Variants in PCDHA5 observed in about 807,000 individuals in gnomAD.
PCDHA5 encodes the protein protocadherin alpha-5.
A neutral mutation model predicts 61.6 loss-of-function variants in PCDHA5; 43 were observed. The ratio of observed to expected loss-of-function variants is 0.70; its 90% CI spans 0.55 to 0.90. The LOEUF is 0.90. Among genes scored for constraint, PCDHA5 ranks in the 40% least tolerant of loss-of-function variants. The pLI is 0.00. For missense variants in PCDHA5, 1,298 were observed against 1,222.7 expected, an observed-to-expected ratio of 1.06 and a Z score of -0.92; for synonymous variants, 627 against 543.9, an observed-to-expected ratio of 1.15 and a Z score of -2.13.
chr5:140,869,502 C>T lies in PCDHA5; in HGVS notation c.2352+45375C>T, dbSNP rs2051182557. 3 of 1,614,090 alleles carry T rather than the reference C, an allele frequency of 1.9e-6. No homozygotes were observed. In the African/African-American group the frequency reaches 4.0e-5, roughly 22 times the overall value. On this transcript the variant is annotated intron_variant, in intron 1 of 3. Transcript: ENST00000529859. Reference sequence around the variant, plus strand: ...ACATTAACGACAACCCGCCGGTGTTCTCGCTCAGAGAACAAAAGCTGCTGA... The same window carrying T: ...ACATTAACGACAACCCGCCGGTGTTTTCGCTCAGAGAACAAAAGCTGCTGA...
At chr5:140,882,989 G>C (rs567590369) in intron 1 of PCDHA5, 2 of 1,614,130 alleles carry the variant, frequency 1.2e-6, no homozygotes, top group Non-Finnish European at 8.5e-7. Context: ...CAACGCCCCG[G>C]AATTTTACCA....
At chr5:140,921,131 C>T (rs532456439) in intron 1 of PCDHA5, among the ~76,000 whole-genome samples, 9 of 132,934 alleles carry the variant, frequency 6.8e-5, no homozygotes, top group Non-Finnish European at 1.1e-4. Context: ...CAGGTGCACA[C>T]CACTACACCC....
Position 140,884,599 on chromosome 5 carries a change from T to C in PCDHA5, c.2352+60472T>C, listed in dbSNP as rs1490825306. 3 of 1,614,042 alleles carry C rather than the reference T, an allele frequency of 1.9e-6. No homozygotes were observed. In the East Asian group the frequency reaches 6.7e-5, roughly 36 times the overall value. ...TCATGGCCTTCAGTCCCAGCCTTCC[T>C]CCTTGTCTGGGTTCTGCAGAGGGAA... On this transcript the variant is annotated intron_variant, in intron 1 of 3. Transcript: ENST00000529859.
intron 1 of PCDHA5, chr5:140,853,408 AG>A: frequency 1.0e-6 from 1 of 986,092 alleles, no homozygotes; most frequent in Middle Eastern, 5.3e-4. Flanking sequence ...CAAAACAGAG[AG>A]GTGAAAGCAG....
intron 1 of PCDHA5, chr5:140,928,095 G>A (rs782045221): frequency 6.2e-7 from 1 of 1,614,190 alleles, no homozygotes; most frequent in African/African-American, 1.3e-5. Flanking sequence ...TGATTGATGG[G>A]CCCCTGGACC....
chr5:141,000,651 C>G (rs1325110453), intron 3 of PCDHA5, among the ~76,000 whole-genome samples: 2 of 151,708 alleles, frequency 1.3e-5, no homozygotes, highest in African/African-American at 4.8e-5. Flanking sequence ...TGGTCTCGAA[C>G]TCCTGACCTC....
Position 140,823,438 on chromosome 5 carries a change from C to T in PCDHA5, c.1663C>T (p.Leu555=). 2 of 1,613,332 alleles carry T rather than the reference C, an allele frequency of 1.2e-6. No homozygotes were observed. The highest frequency in any genetic ancestry group is 1.1e-5 in the South Asian group (1 of 91,048). The change falls in exon 1 of 4, where the codon CTG becomes TTG. Residue 555 remains leucine (L), a synonymous_variant. Coordinates refer to ENST00000529859, the MANE Select transcript of PCDHA5 (RefSeq NM_018908.3). The stretch of plus-strand genomic sequence containing the variant: ...CAACGTGACGCTGCAGGTGTTCGTG[C>T]TGGACGAGAACGACAACGCGCCGGC... ...GSNVTLQVFV[L]DENDNAPALL...
At chr5:141,004,823 TTAGA>T (rs1175791432) in intron 3 of PCDHA5, among the ~76,000 whole-genome samples, 26 of 152,314 alleles carry the variant, frequency 1.7e-4, no homozygotes, top group African/African-American at 5.8e-4. Context: ...TTTGATTAAC[TTAGA>T]TAGATCAAAG....
At chr5:140,885,809 T>G (rs1208963596) in intron 1 of PCDHA5, among the ~76,000 whole-genome samples, 1 of 152,320 alleles carries the variant, frequency 6.6e-6, no homozygotes, top group African/African-American at 2.4e-5. Flanking sequence ...ATTTTGTTGA[T>G]TTGTATTTGA....
At chr5:140,829,565 T>C (rs2150170147) in intron 1 of PCDHA5, 7 of 1,612,526 alleles carry the variant, frequency 4.3e-6, no homozygotes, top group Non-Finnish European at 5.9e-6. Context: ...GCTGGTGTCC[T>C]ACTCGCTGGT....
chr5:140,930,203 T>C (rs1486886896), intron 1 of PCDHA5: 6 of 152,202 alleles, frequency 3.9e-5, no homozygotes, highest in African/African-American at 1.4e-4. Flanking sequence ...ATGTCAGAAA[T>C]ATTTATGTGT....
At chr5:140,947,027 A>G (rs554018076) in intron 1 of PCDHA5, among the ~76,000 whole-genome samples, 2 of 151,820 alleles carry the variant, frequency 1.3e-5, no homozygotes, top group African/African-American at 2.4e-5. Context: ...GAGGTAATGG[A>G]TATACTAATT....
At chr5:140,828,080 G>A (rs2150150678) in intron 1 of PCDHA5, 4 of 1,580,098 alleles carry the variant, frequency 2.5e-6, no homozygotes, top group Non-Finnish European at 3.4e-6. Context: ...AATAAAACCA[G>A]AGGTATTTGA....
chr5:140,929,311 A>G lies in PCDHA5; in HGVS notation c.2353-49638A>G, dbSNP rs782099747. The stretch of plus-strand genomic sequence containing the variant: ...TCGGAATAGGAAAGGGGATCACGCT[A>G]ATGTCAATGCCATGGTAAGCAAATT... On this transcript the variant is annotated intron_variant, in intron 1 of 3. Coordinates refer to ENST00000529859, the MANE Select transcript of PCDHA5 (RefSeq NM_018908.3). The G allele has an allele frequency of 1.9e-6, 3 of 1,567,640 alleles. No individual in the cohort carries two copies. The South Asian group carries it at 3.5e-5, about 18-fold the overall frequency.
chr5:141,002,442 A>G (rs1177854570), intron 3 of PCDHA5, among the ~76,000 whole-genome samples: 3 of 152,218 alleles, frequency 2.0e-5, no homozygotes, highest in Non-Finnish European at 4.4e-5. Context: ...AACCATAATA[A>G]TTGGCACATT....
rs11350929 is a variant in PCDHA5, at chr5:140,972,660, ATTT to A, written c.2353-6269_2353-6267del. Among the ~76,000 whole-genome samples, 687 of 117,242 alleles carry A rather than the reference ATTT, an allele frequency of 5.9e-3. 9 individuals carry two copies. Among genetic ancestry groups the A allele is most frequent in the African/African-American group, 0.021 (630 of 30,162 alleles). 76.9% of individuals were successfully genotyped at this position (117,242 alleles called of 152,430 possible). A position where few individuals can be genotyped will look rare whatever the true frequency, so the allele number is the denominator to read the frequency against. On this transcript the variant is annotated intron_variant, in intron 1 of 3. Coordinates refer to ENST00000529859, the MANE Select transcript of PCDHA5 (RefSeq NM_018908.3). ...CAGAGTCTCCATAAAAAGAAACCAAATTTTTTTTTTTTTTTTTTTTTTGAGATG... is the reference window on the plus strand; with the variant it reads ...CAGAGTCTCCATAAAAAGAAACCAAATTTTTTTTTTTTTTTTTTTGAGATG...
At chr5:140,952,972 A>G (rs1206326487) in intron 1 of PCDHA5, among the ~76,000 whole-genome samples, 1 of 152,074 alleles carries the variant, frequency 6.6e-6, no homozygotes, top group Non-Finnish European at 1.5e-5. Context: ...CACACTTTTA[A>G]ACAACAAGAT....
rs1310762753 is a variant in PCDHA5, at chr5:140,855,371, T to A, written c.2352+31244T>A. Among the ~76,000 whole-genome samples, 3 of 149,996 alleles carry A rather than the reference T, an allele frequency of 2.0e-5. 1 individual carries two copies. Among genetic ancestry groups the A allele is most frequent in the African/African-American group, 7.3e-5 (3 of 40,926 alleles). On this transcript the variant is annotated intron_variant, in intron 1 of 3. Transcript: ENST00000529859. ...GTCATGTGGCTAGTGAGTAGGATAATAGGAATCTAAATGGAGAAATGTCTG... is the reference window on the plus strand; with the variant it reads ...GTCATGTGGCTAGTGAGTAGGATAAAAGGAATCTAAATGGAGAAATGTCTG...
At chr5:140,835,792 C>G (rs2150244938) in intron 1 of PCDHA5, 3 of 1,613,122 alleles carry the variant, frequency 1.9e-6, no homozygotes, top group Non-Finnish European at 2.5e-6. Flanking sequence ...AACAACCCGC[C>G]GGGCTGCCAC....
Sources: gnomAD v4.1 joint callset for allele counts (sites outside exome capture counted in the v4.1 genomes callset) on GRCh38, gnomAD v4.1.1 for gene constraint, MANE v1.5 for transcripts, NCBI Gene and HGNC (gene_info 2026-07-23, HGNC 2026-07-21) for gene names.